The following KIF13B variants were observed in gnomAD, a reference collection of about 807,000 sequenced individuals.
The protein encoded by KIF13B is kinesin-like protein KIF13B.
A neutral mutation model predicts 222.0 loss-of-function variants in KIF13B; 127 were observed. The observed-to-expected ratio is 0.57, with a 90% CI of 0.50 to 0.66. The LOEUF (loss-of-function observed/expected upper bound fraction) is 0.66, where lower values mean the gene tolerates loss of function less well. KIF13B is among the 30% of genes least tolerant of loss of function. The probability of loss-of-function intolerance (pLI) is 0.00; values close to 1 mark genes in which losing one functional copy is unlikely to be tolerated. For missense variants in KIF13B, 2,173 were observed against 2,379.0 expected (o/e 0.91, Z 1.80); for synonymous variants, 976 against 919.0 (o/e 1.06, Z -1.12).
intron 1 of KIF13B, among the ~76,000 whole-genome samples, chr8:29,255,428 C>T (rs1198950942): frequency 1.3e-5 from 2 of 152,160 alleles, no homozygotes; most frequent in Non-Finnish European, 2.9e-5. Flanking sequence ...CTTTCAATAA[C>T]CTCACATTCT....
intron 10 of KIF13B, among the ~76,000 whole-genome samples, chr8:29,174,017 T>C (rs1187896304): frequency 6.6e-6 from 1 of 151,900 alleles, no homozygotes; most frequent in African/African-American, 2.4e-5. Context: ...GTTTAAGGTA[T>C]AGAGCACGTT....
chr8:29,134,271 T>G, intron 21 of KIF13B, 61 bp from the exon 22 acceptor site: 2 of 1,539,560 alleles, frequency 1.3e-6, no homozygotes, highest in Non-Finnish European at 1.8e-6. Context: ...CATTCAGAGT[T>G]GCAGGTTCCA....
In KIF13B at chr8:29,071,669, G is replaced by A. The variant is rs1393010827; in HGVS notation, c.5169C>T (p.Ala1723=). ...KTGVVRYVGP[A]DFQEGTWVGV... Reference sequence around the variant, plus strand: ...CGACCCACGTGCCCTCTTGGAAGTCGGCAGGCCCCACGTATCTCACCACGC... The same window carrying A: ...CGACCCACGTGCCCTCTTGGAAGTCAGCAGGCCCCACGTATCTCACCACGC... Residue 1723 remains alanine, a synonymous_variant, in exon 39 of 40, where the codon GCC becomes GCT. Transcript: ENST00000524189. The surrounding 1 kb of genome is among the most constrained non-coding windows in gnomAD (Gnocchi z 4.9). The A allele has an allele frequency of 9.6e-6, 15 of 1,555,022 alleles. No individual in the cohort carries two copies. Among genetic ancestry groups the A allele is most frequent in the Middle Eastern group, 1.7e-4 (1 of 6,020 alleles).
intron 24 of KIF13B, among the ~76,000 whole-genome samples, chr8:29,129,040 T>C (rs1810234776): frequency 6.6e-6 from 1 of 152,212 alleles, no homozygotes. Flanking sequence ...TCTGTGTCTT[T>C]ATTCTTGCCA....
At chr8:29,131,074 A>G (rs936393671) in intron 23 of KIF13B, among the ~76,000 whole-genome samples, 1 of 152,224 alleles carries the variant, frequency 6.6e-6, no homozygotes, top group African/African-American at 2.4e-5. Flanking sequence ...CAGAAATAGA[A>G]AAGCAAAAAC....
intron 1 of KIF13B, among the ~76,000 whole-genome samples, chr8:29,257,397 T>C (rs1048599848): frequency 2.0e-5 from 3 of 151,730 alleles, no homozygotes; most frequent in African/African-American, 4.8e-5. Context: ...GGAGCAAGCA[T>C]AGAGATCAAT....
intron 34 of KIF13B, among the ~76,000 whole-genome samples, chr8:29,108,479 T>C (rs1322294790): frequency 6.6e-6 from 1 of 152,226 alleles, no homozygotes; most frequent in South Asian, 2.1e-4. Flanking sequence ...GGGTGAGCCC[T>C]TCTGTGTGAA....
intron 11 of KIF13B, among the ~76,000 whole-genome samples, chr8:29,166,620 C>T (rs1812010538): frequency 6.7e-6 from 1 of 149,920 alleles, no homozygotes; most frequent in Non-Finnish European, 1.5e-5. Context: ...AGGGGAATCA[C>T]TTGAACCCAG....
Position 29,070,325 on chromosome 8 carries a change from A to G in KIF13B, c.*179T>C. The G allele has an allele frequency of 1.5e-6, 1 of 651,168 alleles. No individual in the cohort carries two copies. Among genetic ancestry groups the G allele is most frequent in the Middle Eastern group, 4.3e-4 (1 of 2,340 alleles). 40.3% of individuals were successfully genotyped at this position (651,168 alleles called of 1,614,324 possible). A position where few individuals can be genotyped will look rare whatever the true frequency, so the allele number is the denominator to read the frequency against. ...GTTGAGGCCCCCACTTTACCCGGGT[A>G]CAGAAGAAACAAAGCTTCCAGAGGC... On this transcript the variant is annotated 3_prime_UTR_variant, in exon 40 of 40. Coordinates refer to ENST00000524189, the MANE Select transcript of KIF13B (RefSeq NM_015254.4). The surrounding 1 kb of genome is among the most constrained non-coding windows in gnomAD (Gnocchi z 4.1).
At chr8:29,213,085 G>A (rs183781132) in intron 2 of KIF13B, among the ~76,000 whole-genome samples, 266 of 152,202 alleles carry the variant, frequency 1.7e-3, no homozygotes, top group African/African-American at 6.2e-3. Context: ...TTTATGGTCT[G>A]CCTTGAACAT....
chr8:29,113,483 T>A lies in KIF13B; in HGVS notation c.3910A>T (p.Ile1304Phe). 1 of 1,584,240 alleles carries A rather than the reference T, an allele frequency of 6.3e-7. No homozygotes were observed. Among genetic ancestry groups the A allele is most frequent in the Non-Finnish European group, 8.6e-7 (1 of 1,161,876 alleles). Residue 1304 changes from isoleucine (I) to phenylalanine (F), a missense_variant, in exon 32 of 40, where the codon ATT becomes TTT. By Grantham distance (21) the Ile-to-Phe change is conservative (BLOSUM62 0). Around this residue, in one of 2 missense-constraint regions of KIF13B, gnomAD observed 1,480 missense variants for 1,722.8 expected, o/e 0.86. Transcript: ENST00000524189. ...SIPGCGVTFE[I>F]VSNIPEDAQG... is the part of the protein sequence containing the mutation. Reference sequence around the variant, plus strand: ...TTCACCTCTGGAATATTGGAGACAATTTCAAAAGTCACTCCACAGCCAGGA... The same window carrying A: ...TTCACCTCTGGAATATTGGAGACAAATTCAAAAGTCACTCCACAGCCAGGA...
chr8:29,097,422 T>C (rs1282460241), intron 36 of KIF13B, among the ~76,000 whole-genome samples: 1 of 152,192 alleles, frequency 6.6e-6, no homozygotes, highest in Non-Finnish European at 1.5e-5. Flanking sequence ...TCTCAAGAAC[T>C]GATGGAATAG....
intron 32 of KIF13B, among the ~76,000 whole-genome samples, chr8:29,113,126 A>G (rs1475967849): frequency 6.6e-6 from 1 of 152,204 alleles, no homozygotes; most frequent in Admixed American, 6.5e-5. Context: ...AGTGACAGAA[A>G]CAAGATTTCT....
intron 14 of KIF13B, among the ~76,000 whole-genome samples, chr8:29,152,858 G>A (rs550656742): frequency 2.0e-4 from 31 of 152,258 alleles, no homozygotes; most frequent in Non-Finnish European, 4.0e-4. Flanking sequence ...GATTACAGGC[G>A]TGAGCCACCG....
chr8:29,200,353 A>T (rs1193949712), intron 2 of KIF13B, among the ~76,000 whole-genome samples: 7 of 152,362 alleles, frequency 4.6e-5, no homozygotes, highest in South Asian at 2.1e-4. Context: ...ATCACTGTGG[A>T]GATTCAGGAA....
At chr8:29,129,757 C>A (rs1810266815) in intron 24 of KIF13B, among the ~76,000 whole-genome samples, 1 of 152,202 alleles carries the variant, frequency 6.6e-6, no homozygotes, top group Non-Finnish European at 1.5e-5. Flanking sequence ...TGGCCACTCC[C>A]ATATTCTTCT....
chr8:29,170,169 C>T (rs1812176214), intron 10 of KIF13B, among the ~76,000 whole-genome samples: 1 of 152,210 alleles, frequency 6.6e-6, no homozygotes, highest in Non-Finnish European at 1.5e-5. Flanking sequence ...TTAGGCAAAT[C>T]AGATGAGGTT....
At position 29,116,981 on chromosome 8, in the gene KIF13B, G is replaced by A. The variant is rs564251220; in HGVS notation, c.3687C>T (p.Ser1229=). The change falls in exon 31 of 40, where the codon TCC becomes TCT. Residue 1229 remains serine (S), a synonymous_variant. Transcript: ENST00000524189. ...GEVKAEASWD[S]AVHGCPQLSR... ...TGAGCTGAGGGCAGCCATGCACCGC[G>A]GAGTCCCAGGAGGCTTCTGCTTTCA... 27 of 1,593,972 alleles carry A rather than the reference G, an allele frequency of 1.7e-5. No individual in the cohort carries two copies. Among genetic ancestry groups the A allele is most frequent in the Middle Eastern group, 1.7e-4 (1 of 5,980 alleles).
At chr8:29,108,479 T>G (rs1322294790) in intron 34 of KIF13B, among the ~76,000 whole-genome samples, 1 of 152,226 alleles carries the variant, frequency 6.6e-6, no homozygotes, top group Non-Finnish European at 1.5e-5. Context: ...GGGTGAGCCC[T>G]TCTGTGTGAA....
Sources: gnomAD v4.1 joint callset for allele counts (sites outside exome capture counted in the v4.1 genomes callset) on GRCh38, gnomAD v4.1.1 for gene constraint, gnomAD v4.1.1 regional missense constraint, Gnocchi (gnomAD v3.1) non-coding constraint, MANE v1.5 for transcripts, NCBI Gene and HGNC (gene_info 2026-07-23, HGNC 2026-07-21) for gene names.